The following CUL5 variants were observed in gnomAD, a reference collection of about 807,000 sequenced individuals.
The protein encoded by CUL5 is cullin-5.
Under a neutral mutation model 108.8 loss-of-function variants are expected in CUL5, and 26 were observed. The observed-to-expected ratio is 0.24, with a 90% confidence interval of 0.18 to 0.33. CUL5 has a LOEUF of 0.33. Among genes scored for constraint, CUL5 ranks in the 10% least tolerant of loss-of-function variants. The pLI is 1.00. For missense variants in CUL5, 524 were observed against 909.2 expected (o/e 0.58, Z 5.45); for synonymous variants, 334 against 298.0 (o/e 1.12, Z -1.25).
intron 11 of CUL5, among the ~76,000 whole-genome samples, chr11:108,088,018 C>T (rs1469707155): frequency 1.3e-5 from 2 of 151,178 alleles, no homozygotes; most frequent in Non-Finnish European, 2.9e-5. Flanking sequence ...GATACAAATT[C>T]TTTATTGCTT....
chr11:108,094,803 TCTC>T lies in CUL5; in HGVS notation c.1568-8_1568-6del. 1 of 1,559,060 alleles carries T rather than the reference TCTC, an allele frequency of 6.4e-7. No individual in the cohort carries two copies. Among genetic ancestry groups the T allele is most frequent in the Admixed American group, 2.0e-5 (1 of 49,576 alleles). ...ATTTACTTTATATTCCTGATATTCTTCTCTATAGCTGATTCAGTTAATATAAAA... is the reference window on the plus strand; with the variant it reads ...ATTTACTTTATATTCCTGATATTCTTTATAGCTGATTCAGTTAATATAAAA... On this transcript the variant is annotated splice_region_variant and splice_polypyrimidine_tract_variant and intron_variant, in intron 14 of 18. Coordinates refer to ENST00000393094, the MANE Select transcript of CUL5 (RefSeq NM_003478.6).
At chr11:108,017,273 C>G (rs1235314510) in intron 1 of CUL5, among the ~76,000 whole-genome samples, 1 of 150,956 alleles carries the variant, frequency 6.6e-6, no homozygotes, top group Non-Finnish European at 1.5e-5. Flanking sequence ...GGTTTTAGTT[C>G]TAGCTACTCA....
Position 108,106,627 on chromosome 11 carries a change from C to A in CUL5, c.*2243C>A. On this transcript the variant is annotated 3_prime_UTR_variant, in exon 19 of 19. Coordinates refer to ENST00000393094, the MANE Select transcript of CUL5 (RefSeq NM_003478.6). The stretch of plus-strand genomic sequence containing the variant: ...CATTTAGTTGACAAGGTGCCTATGC[C>A]ATTGTTAAATTTTCTTTAAGTAATT... The A allele has an allele frequency of 6.8e-6, 1 of 147,372 alleles. No homozygotes were observed. The highest frequency in any genetic ancestry group is 2.0e-4 in the East Asian group (1 of 5,064). The allele number at this position is 147,372 out of a possible 1,614,324, so 9.1% of individuals were successfully genotyped here. A position where few individuals can be genotyped will look rare whatever the true frequency, so the allele number is the denominator to read the frequency against.
chr11:108,043,184 C>A (rs902481931), intron 2 of CUL5, among the ~76,000 whole-genome samples: 3 of 152,214 alleles, frequency 2.0e-5, no homozygotes, highest in African/African-American at 7.2e-5. Context: ...GTGATCTTCC[C>A]TCAGCCTCCT....
At chr11:108,059,777 G>A (rs1323859226) in intron 7 of CUL5, among the ~76,000 whole-genome samples, 2 of 151,864 alleles carry the variant, frequency 1.3e-5, no homozygotes, top group Admixed American at 6.6e-5. Context: ...TCAGCTACTC[G>A]GGAGGCTGAG....
intron 9 of CUL5, among the ~76,000 whole-genome samples, chr11:108,073,045 CA>C (rs902600788): frequency 1.4e-4 from 21 of 151,026 alleles, no homozygotes; most frequent in African/African-American, 4.6e-4. Flanking sequence ...ACTAAAAATA[CA>C]AAAAAAATAG....
intron 11 of CUL5, among the ~76,000 whole-genome samples, chr11:108,087,105 TTGAA>T (rs1356376181): frequency 2.6e-5 from 4 of 152,312 alleles, no homozygotes; most frequent in Admixed American, 6.5e-5. Flanking sequence ...GTTCAAATAA[TTGAA>T]TGATATAATA....
At chr11:108,039,444 TA>T (rs1173790887) in intron 2 of CUL5, among the ~76,000 whole-genome samples, 1 of 152,232 alleles carries the variant, frequency 6.6e-6, no homozygotes, top group Non-Finnish European at 1.5e-5. Context: ...GATACCCTTC[TA>T]GGGGAACAAT....
At chr11:108,044,640 A>G (rs1435145463) in intron 2 of CUL5, among the ~76,000 whole-genome samples, 4 of 152,092 alleles carry the variant, frequency 2.6e-5, no homozygotes, top group Admixed American at 6.5e-5. Flanking sequence ...TCACTGGGGA[A>G]CATTTTTTGA....
At chr11:108,072,256 C>T (rs1863844182) in intron 8 of CUL5, 76 bp from the exon 9 acceptor site, 1 of 1,216,174 alleles carries the variant, frequency 8.2e-7, no homozygotes, top group Non-Finnish European at 1.1e-6. Context: ...ATTAACATTA[C>T]AAACTTAACT....
chr11:108,054,498 T>A (rs1191829113), intron 5 of CUL5, 149 bp from the exon 6 acceptor site: 19 of 543,932 alleles, frequency 3.5e-5, no homozygotes, highest in Non-Finnish European at 6.4e-6. Flanking sequence ...AAGTTTCTTA[T>A]GGAGAAGGAT....
chr11:108,100,796 C>T (rs1052565866), intron 18 of CUL5, among the ~76,000 whole-genome samples: 2 of 152,092 alleles, frequency 1.3e-5, no homozygotes, highest in African/African-American at 2.4e-5. Flanking sequence ...TTTGGGAGGC[C>T]GAGGCGGGTG....
intron 1 of CUL5, among the ~76,000 whole-genome samples, chr11:108,029,897 CT>C (rs1402988094): frequency 5.9e-5 from 9 of 152,098 alleles, no homozygotes; most frequent in African/African-American, 1.9e-4. Flanking sequence ...AATTGCAGGA[CT>C]TACACTATAT....
Position 108,054,795 on chromosome 11 carries a change from A to G in CUL5, c.699+3A>G, listed in dbSNP as rs1863330791. 1 of 1,604,956 alleles carries G rather than the reference A, an allele frequency of 6.2e-7. No individual in the cohort carries two copies. The highest frequency in any genetic ancestry group is 1.7e-5 in the Admixed American group (1 of 58,180). Reference sequence around the variant, plus strand: ...GTGTACAGAATTATATGAAATATGTAAGTTAGAACTTAGTATATGTGATAA... The same window carrying G: ...GTGTACAGAATTATATGAAATATGTGAGTTAGAACTTAGTATATGTGATAA... On this transcript the variant is annotated splice_donor_region_variant and intron_variant, in intron 6 of 18. Transcript: ENST00000393094.
intron 1 of CUL5, among the ~76,000 whole-genome samples, chr11:108,014,886 T>A (rs1334507975): frequency 6.6e-6 from 1 of 151,964 alleles, no homozygotes; most frequent in Non-Finnish European, 1.5e-5. Context: ...TCGGTGCTCT[T>A]ATTATTATTA....
intron 7 of CUL5, among the ~76,000 whole-genome samples, chr11:108,064,893 A>G (rs1042212883): frequency 2.6e-5 from 4 of 151,768 alleles, no homozygotes; most frequent in African/African-American, 9.7e-5. Context: ...CTCCTCCTCT[A>G]TTTTTCAGAC....
At chr11:108,055,421 T>A (rs1427065039) in intron 7 of CUL5, among the ~76,000 whole-genome samples, 1 of 152,118 alleles carries the variant, frequency 6.6e-6, no homozygotes, top group Non-Finnish European at 1.5e-5. Context: ...GGAAGATGTT[T>A]CAAACTTCAT....
chr11:108,037,558 C>T (rs917620869), intron 2 of CUL5, among the ~76,000 whole-genome samples: 1 of 152,128 alleles, frequency 6.6e-6, no homozygotes, highest in Non-Finnish European at 1.5e-5. Context: ...AAACGAAATC[C>T]AAACTTCCAA....
rs1330498362 is a variant in CUL5, at chr11:108,072,563, G to C, written c.1005+101G>C. 3.9e-6 allele frequency: 4 copies of C among 1,013,518 alleles called. No homozygotes were observed. The African/African-American group carries it at 4.9e-5, about 12-fold the overall frequency. The allele number at this position is 1,013,518 out of a possible 1,614,324, so 62.8% of individuals were successfully genotyped here. ...AGCGGTTACCAGAGGCTGGGGGTTG[G>C]GGGAGCAGAAGAGGTTGGTTAGTGG... On this transcript the variant is annotated intron_variant, in intron 9 of 18. Transcript: ENST00000393094.
Sources: allele counts gnomAD v4.1 joint callset (sites outside exome capture counted in the v4.1 genomes callset), GRCh38; gene constraint gnomAD v4.1.1; transcripts MANE v1.5; gene names NCBI Gene and HGNC (gene_info 2026-07-23, HGNC 2026-07-21).